Variants in HAO2 observed in about 807,000 individuals in gnomAD.
The protein encoded by HAO2 is hydroxyacid oxidase 2.
HAO2 carries 42 observed loss-of-function variants against 37.4 expected under a neutral mutation model. The observed-to-expected ratio is 1.12, with a 90% CI of 0.88 to 1.45. The LOEUF is 1.45. Ranked by LOEUF, HAO2 falls within the 40% of genes most tolerant of loss-of-function variation. The pLI is 0.00. For synonymous variants in HAO2, 180 were observed against 162.8 expected (o/e 1.11, Z -0.81); for missense variants, 476 against 430.2 (o/e 1.11, Z -0.94).
intron 3 of HAO2, among the ~76,000 whole-genome samples, chr1:119,383,379 G>A (rs991595395): frequency 1.3e-5 from 2 of 152,210 alleles, no homozygotes; most frequent in Admixed American, 6.5e-5. Flanking sequence ...TAGGGAAAGG[G>A]ATGCTTAACG....
In HAO2 at chr1:119,382,485, C is replaced by A. The variant is rs587629408; in HGVS notation, c.132-430C>A. Among the ~76,000 whole-genome samples the A allele has an allele frequency of 2.0e-5, 3 of 152,282 alleles. No individual in the cohort carries two copies. The South Asian group carries it at 6.2e-4, about 32-fold the overall frequency. On this transcript the variant is annotated intron_variant, in intron 2 of 7. Coordinates refer to ENST00000325945, the MANE Select transcript of HAO2 (RefSeq NM_016527.4). ...GTTCTCATTCAGTGACCTTTTCTTACTTTCTGGAGACTTGGGCCTAACCTG... is the reference window on the plus strand; with the variant it reads ...GTTCTCATTCAGTGACCTTTTCTTAATTTCTGGAGACTTGGGCCTAACCTG...
intron 5 of HAO2, among the ~76,000 whole-genome samples, chr1:119,388,334 A>G (rs1650555172): frequency 6.6e-6 from 1 of 152,192 alleles, no homozygotes; most frequent in Non-Finnish European, 1.5e-5. Flanking sequence ...TACATCATAC[A>G]ATAGGTGTCA....
At chr1:119,385,660 T>C in intron 4 of HAO2, 1 of 985,334 alleles carries the variant, frequency 1.0e-6, no homozygotes, top group Non-Finnish European at 1.2e-6. Flanking sequence ...AATCCTACAA[T>C]TAAATGGCAA....
At chr1:119,385,633 G>A (rs1043867508) in intron 4 of HAO2, 1 of 985,140 alleles carries the variant, frequency 1.0e-6, no homozygotes, top group African/African-American at 1.7e-5. Context: ...GACTACAAAG[G>A]GGACCTTCCC....
Position 119,381,140 on chromosome 1 carries a change from A to T in HAO2, c.55A>T (p.Lys19Ter). ...FQAHAREQLS[K>*]STRDFIEGGA... ...GGCCCATGCGCGAGAGCAGCTGTCT[A>T]AGTCAACTCGGGATTTTATTGAAGG... is the stretch of plus-strand genomic sequence containing the variant. Residue 19 changes from lysine (K) to a stop codon, truncating the protein, a stop_gained, in exon 2 of 8, where the codon AAG (lysine) becomes TAG (stop). Coordinates refer to ENST00000325945, the MANE Select transcript of HAO2 (RefSeq NM_016527.4). LOFTEE classifies it high-confidence loss of function. 1 of 1,609,646 alleles carries T rather than the reference A, an allele frequency of 6.2e-7. No homozygotes were observed. The highest frequency in any genetic ancestry group is 8.5e-7 in the Non-Finnish European group (1 of 1,175,876).
intron 2 of HAO2, 116 bp from the exon 3 acceptor site, chr1:119,382,799 A>G: frequency 1.1e-6 from 1 of 935,880 alleles, no homozygotes; most frequent in Non-Finnish European, 1.6e-6. Flanking sequence ...CCAAGGTTCC[A>G]CAGGACCCTG....
chr1:119,383,935 C>T (rs1650171182), intron 3 of HAO2, among the ~76,000 whole-genome samples: 1 of 152,254 alleles, frequency 6.6e-6, no homozygotes, highest in East Asian at 1.9e-4. Flanking sequence ...TTTACTAAGT[C>T]ATCATGGTTG....
chr1:119,370,959 T>C (rs1207831183), intron 1 of HAO2, among the ~76,000 whole-genome samples: 1 of 152,178 alleles, frequency 6.6e-6, no homozygotes, highest in Non-Finnish European at 1.5e-5. Context: ...TCAGAGCCTG[T>C]TTTGGAGCTT....
At chr1:119,372,281 C>T (rs1310023874) in intron 1 of HAO2, among the ~76,000 whole-genome samples, 1 of 152,038 alleles carries the variant, frequency 6.6e-6, no homozygotes, top group African/African-American at 2.4e-5. Context: ...GAAAAGTAGG[C>T]TTAATTAGAG....
At chr1:119,382,540 C>T (rs932211455) in intron 2 of HAO2, among the ~76,000 whole-genome samples, 9 of 152,148 alleles carry the variant, frequency 5.9e-5, no homozygotes, top group African/African-American at 2.2e-4. Flanking sequence ...CCTCTTCCTA[C>T]CTATTCTTTT....
intron 1 of HAO2, among the ~76,000 whole-genome samples, chr1:119,371,793 G>A (rs1649041644): frequency 1.3e-5 from 2 of 152,174 alleles, no homozygotes; most frequent in South Asian, 2.1e-4. Flanking sequence ...TTGAAAAATG[G>A]TTGCAATATT....
intron 4 of HAO2, among the ~76,000 whole-genome samples, chr1:119,386,386 AGCAGCAGCAGGGT>A (rs962764677): frequency 6.6e-6 from 1 of 151,870 alleles, no homozygotes; most frequent in African/African-American, 2.4e-5. Context: ...TTTTTAGAGG[AGCAGCAGCAGGGT>A]CTCTGTGTGT....
chr1:119,381,013 A>T, intron 1 of HAO2, 65 bp from the exon 2 acceptor site: 2 of 1,403,310 alleles, frequency 1.4e-6, no homozygotes, highest in South Asian at 2.4e-5. Context: ...CTTCCCCTTC[A>T]TTTCCTTTTC....
chr1:119,384,886 C>T lies in HAO2; in HGVS notation c.394C>T (p.His132Tyr), dbSNP rs1267721466. The change falls in exon 4 of 8, where the codon CAT becomes TAT. Residue 132 changes from histidine to tyrosine, a missense_variant. Physicochemically the swap from His to Tyr is moderately conservative, Grantham distance 83. Transcript: ENST00000325945. ...CCTCCGATGGTTCCAACTCTATGTGCATCCAGACCTGCAGCTGAACAAACA... is the reference window on the plus strand; with the variant it reads ...CCTCCGATGGTTCCAACTCTATGTGTATCCAGACCTGCAGCTGAACAAACA... ...EGLRWFQLYV[H>Y]PDLQLNKQLI... The T allele has an allele frequency of 1.2e-6, 2 of 1,613,714 alleles. No homozygotes were observed. Among genetic ancestry groups the T allele is most frequent in the Non-Finnish European group, 1.7e-6 (2 of 1,179,624 alleles).
chr1:119,389,233 T>C (rs931163183), intron 5 of HAO2, among the ~76,000 whole-genome samples: 1 of 138,398 alleles, frequency 7.2e-6, no homozygotes, highest in Non-Finnish European at 1.6e-5. Context: ...ATTTTTGCAA[T>C]TGTTAATTCT....
In HAO2 at chr1:119,392,284, C is replaced by A. The variant is rs199729266; in HGVS notation, c.930+16C>A. 2.5e-6 allele frequency: 4 copies of A among 1,590,726 alleles called. No homozygotes were observed. Among genetic ancestry groups the A allele is most frequent in the Non-Finnish European group, 8.6e-7 (1 of 1,164,850 alleles). On this transcript the variant is annotated intron_variant, in intron 6 of 7. Coordinates refer to ENST00000325945, the MANE Select transcript of HAO2 (RefSeq NM_016527.4). ...TGCCTGCAAGGTGAGAGTGGCAAAG[C>A]AAACCAGCAAGAAGATACAGAGCTT...
intron 4 of HAO2, 94 bp downstream of exon 4, chr1:119,385,147 A>T: frequency 6.6e-7 from 1 of 1,509,202 alleles, no homozygotes; most frequent in East Asian, 2.4e-5. Flanking sequence ...TTCCACAGGC[A>T]TTTATCGAAC....
intron 5 of HAO2, among the ~76,000 whole-genome samples, chr1:119,390,464 G>A (rs757025156): frequency 7.2e-5 from 11 of 152,140 alleles, no homozygotes; most frequent in Non-Finnish European, 1.5e-4. Context: ...GGCCAGGCTG[G>A]TCTCGAACTC....
intron 5 of HAO2, among the ~76,000 whole-genome samples, chr1:119,389,605 C>T (rs986792678): frequency 1.0e-4 from 15 of 147,470 alleles, no homozygotes; most frequent in South Asian, 2.1e-4. Flanking sequence ...ATTATCTATT[C>T]GTGTCCTTAG....
Sources: allele counts gnomAD v4.1 joint callset (sites outside exome capture counted in the v4.1 genomes callset), GRCh38; gene constraint gnomAD v4.1.1; transcripts MANE v1.5; gene names NCBI Gene and HGNC (gene_info 2026-07-23, HGNC 2026-07-21).